The following TNIP3 variants were observed in gnomAD, a reference collection of about 807,000 sequenced individuals.
TNIP3 encodes the protein TNFAIP3 interacting protein 3, also known as TNFAIP3-interacting protein 3.
In TNIP3, 34 loss-of-function variants were observed where a neutral mutation model predicts 54.1. The ratio of observed to expected loss-of-function variants is 0.63; its 90% CI spans 0.48 to 0.84. The LOEUF is 0.84. Among genes scored for constraint, TNIP3 ranks in the 40% least tolerant of loss-of-function variants. The probability of loss-of-function intolerance (pLI) is 0.00; values close to 1 mark genes in which losing one functional copy is unlikely to be tolerated. For missense variants in TNIP3, 366 were observed against 387.6 expected (o/e 0.94, Z 0.47); for synonymous variants, 134 against 136.8 (o/e 0.98, Z 0.14).
chr4:121,207,965 G>T (rs1315807283), intron 2 of TNIP3, among the ~76,000 whole-genome samples: 1 of 152,148 alleles, frequency 6.6e-6, no homozygotes, highest in Non-Finnish European at 1.5e-5. Context: ...TGCTCTTGTG[G>T]TAGTAAATAC....
chr4:121,223,608 T>C (rs894475287), intron 1 of TNIP3, among the ~76,000 whole-genome samples: 1 of 53,666 alleles, frequency 1.9e-5, no homozygotes, highest in East Asian at 5.0e-4. Flanking sequence ...CCACAGAAAC[T>C]AGAAAAGGTA....
intron 3 of TNIP3, among the ~76,000 whole-genome samples, chr4:121,178,133 A>T (rs1560672479): frequency 6.6e-6 from 1 of 152,238 alleles, no homozygotes; most frequent in Non-Finnish European, 1.5e-5. Flanking sequence ...GAAAATTAAA[A>T]GTAGAAAGTA....
At position 121,132,310 on chromosome 4, in the gene TNIP3, A is replaced by G. The variant is rs1026279209; in HGVS notation, c.*321T>C. On this transcript the variant is annotated 3_prime_UTR_variant, in exon 11 of 11. Coordinates refer to ENST00000057513, the MANE Select transcript of TNIP3 (RefSeq NM_024873.6). ...CAGCAAACACTGAGTTGCCTAAATC[A>G]TAGAATCATTTTTGTGCATCCAACA... 4.2e-5 allele frequency: 13 copies of G among 312,786 alleles called. No homozygotes were observed. The South Asian group carries it at 8.5e-4, about 20-fold the overall frequency. 19.4% of individuals were successfully genotyped at this position (312,786 alleles called of 1,614,324 possible). A position where few individuals can be genotyped will look rare whatever the true frequency, so the allele number is the denominator to read the frequency against.
intron 1 of TNIP3, among the ~76,000 whole-genome samples, chr4:121,162,293 A>G (rs1350399069): frequency 6.6e-6 from 1 of 152,130 alleles, no homozygotes; most frequent in Non-Finnish European, 1.5e-5. Context: ...GTTTGATGGT[A>G]TTTTAAGTAA....
At chr4:121,212,141 A>G (rs1362214985) in intron 2 of TNIP3, among the ~76,000 whole-genome samples, 2 of 152,262 alleles carry the variant, frequency 1.3e-5, no homozygotes, top group African/African-American at 2.4e-5. Flanking sequence ...GCAAGCATAA[A>G]GTATTCAAGG....
chr4:121,156,241 G>A (rs763486675), intron 4 of TNIP3, among the ~76,000 whole-genome samples: 1 of 152,182 alleles, frequency 6.6e-6, no homozygotes, highest in Non-Finnish European at 1.5e-5. Context: ...CACGATATCA[G>A]TGATAAGATT....
At chr4:121,185,270 C>T (rs1450349501) in intron 2 of TNIP3, among the ~76,000 whole-genome samples, 11 of 152,180 alleles carry the variant, frequency 7.2e-5, no homozygotes, top group Admixed American at 7.2e-4. Flanking sequence ...CAAGCAGTTC[C>T]CACTCCAGGC....
At position 121,187,043 on chromosome 4, in the gene TNIP3, C is replaced by T. The variant is rs942920989; in HGVS notation, c.69-4247G>A. On this transcript the variant is annotated intron_variant, in intron 2 of 12. Coordinates refer to the TNIP3 transcript ENST00000507879. ...ACAGAAGAAAGTGCTTATCAAAGTT[C>T]ATTTTTTCCTATAAAGCTCAACATT... 3.3e-5 allele frequency among the ~76,000 whole-genome samples: 5 copies of T among 152,230 alleles called. No homozygotes were observed. In the East Asian group the frequency reaches 9.6e-4, roughly 29 times the overall value.
At chr4:121,188,585 G>A (rs1725143204) in intron 2 of TNIP3, among the ~76,000 whole-genome samples, 1 of 152,138 alleles carries the variant, frequency 6.6e-6, no homozygotes, top group Non-Finnish European at 1.5e-5. Flanking sequence ...AATTTTACTA[G>A]TTGATTAGAA....
At chr4:121,151,204 C>T (rs1342017982) in intron 5 of TNIP3, among the ~76,000 whole-genome samples, 1 of 152,170 alleles carries the variant, frequency 6.6e-6, no homozygotes, top group African/African-American at 2.4e-5. Context: ...AATGAGTCCT[C>T]TGTACAAATA....
At chr4:121,150,683 A>G (rs896498001) in intron 5 of TNIP3, among the ~76,000 whole-genome samples, 5 of 152,192 alleles carry the variant, frequency 3.3e-5, no homozygotes, top group Admixed American at 3.3e-4. Flanking sequence ...CATTTCTCAG[A>G]AGCTGGTGCT....
chr4:121,195,389 A>G (rs1725523941), intron 2 of TNIP3, among the ~76,000 whole-genome samples: 1 of 152,198 alleles, frequency 6.6e-6, no homozygotes, highest in Admixed American at 6.5e-5. Flanking sequence ...TTAAAATGGA[A>G]TTATATCACA....
chr4:121,189,417 C>A (rs1297081802), intron 2 of TNIP3, among the ~76,000 whole-genome samples: 1 of 152,042 alleles, frequency 6.6e-6, no homozygotes, highest in Non-Finnish European at 1.5e-5. Flanking sequence ...TCTGGGTGAC[C>A]CAGAATGAGA....
At chr4:121,173,630 T>C (rs1243743379) in intron 3 of TNIP3, among the ~76,000 whole-genome samples, 2 of 152,174 alleles carry the variant, frequency 1.3e-5, no homozygotes, top group Non-Finnish European at 2.9e-5. Context: ...TTCATTCATG[T>C]ATGCACTTTT....
chr4:121,212,071 A>G (rs1048026057), intron 2 of TNIP3, among the ~76,000 whole-genome samples: 2 of 152,194 alleles, frequency 1.3e-5, no homozygotes, highest in African/African-American at 2.4e-5. Flanking sequence ...TCTCCCAAAC[A>G]CTTTCTGGCA....
intron 2 of TNIP3, among the ~76,000 whole-genome samples, chr4:121,185,930 A>G (rs1560678610): frequency 1.3e-5 from 2 of 152,232 alleles, no homozygotes; most frequent in Admixed American, 6.5e-5. Context: ...AATTGTTTCA[A>G]CTTCAGTGGC....
At chr4:121,135,349 A>G (rs566798332) in intron 10 of TNIP3, among the ~76,000 whole-genome samples, 12 of 152,206 alleles carry the variant, frequency 7.9e-5, no homozygotes, top group Admixed American at 3.3e-4. Flanking sequence ...ATCACTCATT[A>G]TCTGCCATAC....
chr4:121,153,218 A>C (rs1729869884), intron 5 of TNIP3, among the ~76,000 whole-genome samples: 1 of 152,198 alleles, frequency 6.6e-6, no homozygotes, highest in African/African-American at 2.4e-5. Flanking sequence ...GGAATGATGA[A>C]AAATTGTATT....
intron 4 of TNIP3, among the ~76,000 whole-genome samples, chr4:121,155,921 A>G (rs1473604847): frequency 1.3e-5 from 2 of 152,226 alleles, no homozygotes; most frequent in Non-Finnish European, 2.9e-5. Flanking sequence ...TTTAAATAGA[A>G]TGAACATATA....
Sources: gnomAD v4.1 joint callset for allele counts (sites outside exome capture counted in the v4.1 genomes callset) on GRCh38, gnomAD v4.1.1 for gene constraint, MANE v1.5 for transcripts, NCBI Gene and HGNC (gene_info 2026-07-23, HGNC 2026-07-21) for gene names.